Variants in SLC37A1 observed in about 807,000 individuals in gnomAD.
SLC37A1 encodes the protein solute carrier family 37 member 1, also known as glucose-6-phosphate exchanger SLC37A1.
SLC37A1 carries 49 observed loss-of-function variants against 75.3 expected under a neutral mutation model. The ratio of observed to expected loss-of-function variants is 0.65; its 90% CI spans 0.52 to 0.83. The LOEUF (loss-of-function observed/expected upper bound fraction) is 0.83, where lower values mean the gene tolerates loss of function less well. Among genes scored for constraint, SLC37A1 ranks in the 40% least tolerant of loss-of-function variants. The pLI is 0.00. For synonymous variants in SLC37A1, 268 were observed against 292.1 expected, an observed-to-expected ratio of 0.92 and a Z score of 0.84; for missense variants, 566 against 695.0, an observed-to-expected ratio of 0.81 and a Z score of 2.09.
chr21:42,517,201 G>A (rs2054537362), intron 1 of SLC37A1, among the ~76,000 whole-genome samples: 1 of 152,204 alleles, frequency 6.6e-6, no homozygotes, highest in Non-Finnish European at 1.5e-5. Flanking sequence ...CTCATTGCAT[G>A]TTTATAACAA....
Position 42,554,152 on chromosome 21 carries a change from A to G in SLC37A1, c.849+10A>G. The G allele has an allele frequency of 6.2e-7, 1 of 1,611,512 alleles. No homozygotes were observed. The highest frequency in any genetic ancestry group is 8.5e-7 in the Non-Finnish European group (1 of 1,178,894). ...AAAGAACAAGCCTCTGGTAAGTCACACACAACTTCCACTTCCTAGAATGTC... is the reference window on the plus strand; with the variant it reads ...AAAGAACAAGCCTCTGGTAAGTCACGCACAACTTCCACTTCCTAGAATGTC... On this transcript the variant is annotated intron_variant, in intron 10 of 19. Coordinates refer to ENST00000352133, the MANE Select transcript of SLC37A1 (RefSeq NM_001320537.2).
chr21:42,524,929 A>G (rs1453041890), intron 2 of SLC37A1, among the ~76,000 whole-genome samples: 3 of 152,110 alleles, frequency 2.0e-5, no homozygotes, highest in Non-Finnish European at 4.4e-5. Flanking sequence ...CCACGTGATT[A>G]GAGGTTGGGA....
intron 3 of SLC37A1, among the ~76,000 whole-genome samples, chr21:42,530,654 A>ACACCCC (rs1161313598): frequency 0.013 from 452 of 35,862 alleles, 21 homozygotes; most frequent in Non-Finnish European, 0.016. Flanking sequence ...ACACACACAC[A>ACACCCC]CCCCCTCTGT....
chr21:42,564,670 TG>T, intron 13 of SLC37A1, 37 bp from the exon 14 acceptor site: 1 of 1,569,132 alleles, frequency 6.4e-7, no homozygotes. Flanking sequence ...GCTCATGCCC[TG>T]GGACGTCAGT....
rs1340712915 is a variant in SLC37A1 at position 42,548,569 on chromosome 21, C to T, written c.768+1429C>T. On this transcript the variant is annotated intron_variant, in intron 9 of 19. Coordinates refer to ENST00000352133, the MANE Select transcript of SLC37A1 (RefSeq NM_001320537.2). This position sits in a 1 kb window ranked among gnomAD's most constrained non-coding sequence, Gnocchi z 5.6. ...CTCTCACCTCCTCCGCCTCTACCAC[C>T]CTGGTCCCCGTCACCACCGTCAGCT... Among the ~76,000 whole-genome samples the T allele has an allele frequency of 6.6e-6, 1 of 152,198 alleles. No homozygotes were observed. The highest frequency in any genetic ancestry group is 1.5e-5 in the Non-Finnish European group (1 of 68,048).
At chr21:42,522,467 G>A (rs1568988141) in intron 2 of SLC37A1, among the ~76,000 whole-genome samples, 2 of 152,138 alleles carry the variant, frequency 1.3e-5, no homozygotes, top group African/African-American at 2.4e-5. Flanking sequence ...GCAAGGCAGC[G>A]GCCCGAGTGT....
intron 2 of SLC37A1, among the ~76,000 whole-genome samples, chr21:42,525,150 C>T (rs774742433): frequency 6.6e-6 from 1 of 152,252 alleles, no homozygotes; most frequent in Non-Finnish European, 1.5e-5. Context: ...GCTCCCTGCC[C>T]CATACCTCGC....
chr21:42,562,964 C>A (rs1569031242), intron 12 of SLC37A1, among the ~76,000 whole-genome samples: 1 of 152,118 alleles, frequency 6.6e-6, no homozygotes, highest in Admixed American at 6.5e-5. Flanking sequence ...GATGCAGATC[C>A]CACCAGAGGA....
intron 15 of SLC37A1, among the ~76,000 whole-genome samples, chr21:42,566,519 TA>T (rs2055982077): frequency 6.6e-6 from 1 of 152,206 alleles, no homozygotes; most frequent in East Asian, 1.9e-4. Flanking sequence ...GTGGTCCCCT[TA>T]AATGTTATCC....
At chr21:42,523,065 G>T (rs2054692525) in intron 2 of SLC37A1, among the ~76,000 whole-genome samples, 1 of 152,240 alleles carries the variant, frequency 6.6e-6, no homozygotes, top group Admixed American at 6.5e-5. Context: ...CCTTCCTTCT[G>T]GGCTGTCTGG....
chr21:42,570,087 ACGGCC>A, intron 17 of SLC37A1, among the ~76,000 whole-genome samples: 3 of 104,676 alleles, frequency 2.9e-5, no homozygotes, highest in African/African-American at 9.6e-5. Context: ...CATGCGACAC[ACGGCC>A]TGGTTCTGAG....
At chr21:42,521,091 G>A (rs1198159573) in intron 2 of SLC37A1, among the ~76,000 whole-genome samples, 3 of 152,204 alleles carry the variant, frequency 2.0e-5, no homozygotes, top group Non-Finnish European at 4.4e-5. Context: ...GGCACAGAAC[G>A]CCATGGATGC....
intron 18 of SLC37A1, among the ~76,000 whole-genome samples, chr21:42,578,270 C>A (rs1175575170): frequency 6.6e-6 from 1 of 152,154 alleles, no homozygotes; most frequent in Non-Finnish European, 1.5e-5. Flanking sequence ...GTCGCCTGGG[C>A]TCCTGGAGTT....
At chr21:42,522,188 A>C (rs942749295) in intron 2 of SLC37A1, among the ~76,000 whole-genome samples, 7 of 152,208 alleles carry the variant, frequency 4.6e-5, no homozygotes, top group East Asian at 1.9e-4. Context: ...TCATGTCTAC[A>C]TGACCCTATT....
rs17115186 is a variant in SLC37A1, at chr21:42,575,602, C to A, written c.1521+687C>A. 1,904 of 985,420 alleles carry A rather than the reference C, an allele frequency of 1.9e-3. 30 individuals carry two copies. The African/African-American group carries it at 0.031, about 16-fold the overall frequency. The allele number at this position is 985,420 out of a possible 1,614,324, so 61.0% of individuals were successfully genotyped here. On this transcript the variant is annotated intron_variant, in intron 18 of 19. Coordinates refer to ENST00000352133, the MANE Select transcript of SLC37A1 (RefSeq NM_001320537.2). ...GATGTGCAGCTGTGAGGGGTGCATA[C>A]ACATCTTTACAAGTCACCTGGCCAC... is the stretch of plus-strand genomic sequence containing the variant.
rs2054562216 is a variant in SLC37A1, at chr21:42,518,308, A to C, written c.-147A>C. ...GAGCCACTGCCAGAAGGAAGGGGAC[A>C]AGACCCAGCAGGACACCTTCTTTCC... On this transcript the variant is annotated 5_prime_UTR_variant, in exon 2 of 20. Coordinates refer to ENST00000352133, the MANE Select transcript of SLC37A1 (RefSeq NM_001320537.2). 2.1e-6 allele frequency: 2 copies of C among 936,072 alleles called. No individual in the cohort carries two copies. The highest frequency in any genetic ancestry group is 3.4e-6 in the Non-Finnish European group (2 of 596,672). 58.0% of individuals were successfully genotyped at this position (936,072 alleles called of 1,614,324 possible). A position where few individuals can be genotyped will look rare whatever the true frequency, so the allele number is the denominator to read the frequency against.
intron 5 of SLC37A1, among the ~76,000 whole-genome samples, chr21:42,536,069 C>T (rs113738389): frequency 6.6e-6 from 1 of 152,156 alleles, no homozygotes; most frequent in African/African-American, 2.4e-5. Flanking sequence ...CCATGCATGG[C>T]GGGTGGGGAA....
At chr21:42,523,039 C>T (rs919583525) in intron 2 of SLC37A1, among the ~76,000 whole-genome samples, 1 of 152,198 alleles carries the variant, frequency 6.6e-6, no homozygotes. Context: ...GACCTCAGCC[C>T]GACAAAGGGA....
At chr21:42,536,759 C>T (rs2055147478) in intron 5 of SLC37A1, among the ~76,000 whole-genome samples, 1 of 152,194 alleles carries the variant, frequency 6.6e-6, no homozygotes, top group African/African-American at 2.4e-5. Flanking sequence ...CCAGCTCTCA[C>T]CTCTCACAAT....
Sources: gnomAD v4.1 joint callset for allele counts (sites outside exome capture counted in the v4.1 genomes callset) on GRCh38, gnomAD v4.1.1 for gene constraint, Gnocchi (gnomAD v3.1) non-coding constraint, MANE v1.5 for transcripts, NCBI Gene and HGNC (gene_info 2026-07-23, HGNC 2026-07-21) for gene names.